Variants in PDZD8 observed in about 807,000 individuals in gnomAD.
PDZD8 encodes PDZ domain-containing protein 8.
Under a neutral mutation model 85.8 loss-of-function variants are expected in PDZD8, and 14 were observed. That is an observed-to-expected ratio of 0.16 (90% CI 0.11 to 0.26). The LOEUF (loss-of-function observed/expected upper bound fraction) is 0.26. PDZD8 is among the 10% of genes least tolerant of loss of function. The pLI is 1.00. For missense variants in PDZD8, 1,197 were observed against 1,424.3 expected (o/e 0.84, Z 2.57); for synonymous variants, 592 against 568.6 (o/e 1.04, Z -0.59).
chr10:117,328,803 A>G (rs1403301699), intron 2 of PDZD8, among the ~76,000 whole-genome samples: 1 of 152,220 alleles, frequency 6.6e-6, no homozygotes, highest in Non-Finnish European at 1.5e-5. Context: ...ATAAAAGCCA[A>G]TTAGATCTAT....
intron 1 of PDZD8, among the ~76,000 whole-genome samples, chr10:117,366,455 T>G (rs1845091255): frequency 6.6e-6 from 1 of 150,480 alleles, no homozygotes; most frequent in African/African-American, 2.5e-5. Flanking sequence ...TTGAGGGGGG[T>G]GTATTTTTAG....
intron 3 of PDZD8, among the ~76,000 whole-genome samples, chr10:117,298,288 A>C (rs927064757): frequency 1.3e-5 from 2 of 152,132 alleles, no homozygotes; most frequent in Admixed American, 1.3e-4. Context: ...AAAATAACAC[A>C]AGAGCAATAG....
At chr10:117,369,031 A>G (rs900448858) in intron 1 of PDZD8, among the ~76,000 whole-genome samples, 2 of 151,866 alleles carry the variant, frequency 1.3e-5, no homozygotes, top group African/African-American at 4.8e-5. Context: ...GCGGGGTTTC[A>G]CCATGTTGGC....
chr10:117,361,355 G>A (rs1844996420), intron 1 of PDZD8, among the ~76,000 whole-genome samples: 1 of 152,114 alleles, frequency 6.6e-6, no homozygotes, highest in Admixed American at 6.5e-5. Context: ...TTTACTCCCT[G>A]TTAGCACTAA....
At chr10:117,369,022 C>T (rs886148719) in intron 1 of PDZD8, among the ~76,000 whole-genome samples, 5 of 151,824 alleles carry the variant, frequency 3.3e-5, no homozygotes, top group East Asian at 3.9e-4. Context: ...TTAGTAGAAG[C>T]GGGGTTTCAC....
At chr10:117,305,517 T>C (rs1234405278) in intron 3 of PDZD8, among the ~76,000 whole-genome samples, 81 of 116,188 alleles carry the variant, frequency 7.0e-4, no homozygotes, top group African/African-American at 1.6e-3. Flanking sequence ...CACACACACA[T>C]ATATGGAGAG....
Position 117,277,784 on chromosome 10 carries a change from G to A in PDZD8, c.*5484C>T, listed in dbSNP as rs566003542. The stretch of plus-strand genomic sequence containing the variant: ...GTAGTTACTATCAATATATTTATGC[G>A]TTAAACAGCTAGTTCTCTCAAGTGT... On this transcript the variant is annotated 3_prime_UTR_variant, in exon 5 of 5. Coordinates refer to ENST00000334464, the MANE Select transcript of PDZD8 (RefSeq NM_173791.5). The A allele has an allele frequency of 5.9e-5, 9 of 152,282 alleles. No homozygotes were observed. Among genetic ancestry groups the A allele is most frequent in the Admixed American group, 2.6e-4 (4 of 15,292 alleles). 9.4% of individuals were successfully genotyped at this position (152,282 alleles called of 1,614,324 possible). A position where few individuals can be genotyped will look rare whatever the true frequency, so the allele number is the denominator to read the frequency against.
chr10:117,277,320 A>T lies in PDZD8; in HGVS notation c.*5948T>A. On this transcript the variant is annotated 3_prime_UTR_variant, in exon 5 of 5. Transcript: ENST00000334464. ...TTTAATTGTATAAAACAGTGTTTCC[A>T]GTGACACAACTCATCCAGAACTGTC... 1.8e-6 allele frequency: 2 copies of T among 1,127,952 alleles called. No individual in the cohort carries two copies. The highest frequency in any genetic ancestry group is 2.6e-6 in the Non-Finnish European group (2 of 760,250). The allele number at this position is 1,127,952 out of a possible 1,614,324, so 69.9% of individuals were successfully genotyped here.
chr10:117,337,304 C>T (rs926760460), intron 2 of PDZD8, among the ~76,000 whole-genome samples: 3 of 152,074 alleles, frequency 2.0e-5, no homozygotes, highest in Admixed American at 2.0e-4. Context: ...ATCATCTTAA[C>T]AATCTGATTG....
intron 3 of PDZD8, among the ~76,000 whole-genome samples, chr10:117,313,810 A>G (rs1280785019): frequency 6.6e-6 from 1 of 152,170 alleles, no homozygotes; most frequent in Non-Finnish European, 1.5e-5. Context: ...TTACTCTGGA[A>G]GTAAACAAAG....
intron 4 of PDZD8, among the ~76,000 whole-genome samples, chr10:117,287,457 A>G (rs1367889768): frequency 6.6e-6 from 1 of 152,150 alleles, no homozygotes; most frequent in Non-Finnish European, 1.5e-5. Flanking sequence ...TACATTCCCA[A>G]CTACTGGACA....
At chr10:117,313,312 T>C (rs967371227) in intron 3 of PDZD8, among the ~76,000 whole-genome samples, 2 of 152,218 alleles carry the variant, frequency 1.3e-5, no homozygotes, top group African/African-American at 2.4e-5. Flanking sequence ...AAATATCTCA[T>C]TGATTTTTAT....
intron 2 of PDZD8, among the ~76,000 whole-genome samples, chr10:117,322,639 TAA>T (rs1844245326): frequency 6.6e-6 from 1 of 152,140 alleles, no homozygotes; most frequent in Admixed American, 6.6e-5. Flanking sequence ...TACACTCAGG[TAA>T]GAGAGGCCTC....
At chr10:117,358,183 G>A (rs1010729151) in intron 1 of PDZD8, among the ~76,000 whole-genome samples, 1 of 152,128 alleles carries the variant, frequency 6.6e-6, no homozygotes, top group Non-Finnish European at 1.5e-5. Context: ...CATGAGTTCT[G>A]TAATCTTAGA....
At chr10:117,359,183 G>A (rs1366317420) in intron 1 of PDZD8, among the ~76,000 whole-genome samples, 1 of 152,158 alleles carries the variant, frequency 6.6e-6, no homozygotes, top group Admixed American at 6.5e-5. Flanking sequence ...GGGAGGCCGA[G>A]GTAAGTGGAT....
At chr10:117,300,468 TA>T (rs2133779430) in intron 3 of PDZD8, among the ~76,000 whole-genome samples, 1 of 152,356 alleles carries the variant, frequency 6.6e-6, no homozygotes, top group East Asian at 1.9e-4. Context: ...AACCATTCTA[TA>T]ATGTAGCATC....
intron 3 of PDZD8, among the ~76,000 whole-genome samples, chr10:117,315,986 C>T (rs566553027): frequency 1.3e-5 from 2 of 151,974 alleles, no homozygotes; most frequent in South Asian, 4.1e-4. Context: ...GCAATGGACC[C>T]GAAATAAATC....
At chr10:117,335,382 G>A (rs1269615905) in intron 2 of PDZD8, among the ~76,000 whole-genome samples, 1 of 152,004 alleles carries the variant, frequency 6.6e-6, no homozygotes, top group East Asian at 1.9e-4. Flanking sequence ...AGAAATAAAG[G>A]GCAACAGAAA....
At chr10:117,287,433 C>A (rs2133761284) in intron 4 of PDZD8, among the ~76,000 whole-genome samples, 1 of 152,308 alleles carries the variant, frequency 6.6e-6, no homozygotes, top group Non-Finnish European at 1.5e-5. Context: ...TTCCCTTCTT[C>A]TTCACTTTAG....
Sources: gnomAD v4.1 joint callset for allele counts (sites outside exome capture counted in the v4.1 genomes callset) on GRCh38, gnomAD v4.1.1 for gene constraint, MANE v1.5 for transcripts, NCBI Gene and HGNC (gene_info 2026-07-23, HGNC 2026-07-21) for gene names.